The following HIBCH variants were observed in gnomAD, a reference collection of about 807,000 sequenced individuals.
HIBCH encodes the protein 3-hydroxyisobutyryl-CoA hydrolase.
HIBCH carries 50 observed loss-of-function variants against 58.2 expected under a neutral mutation model. The ratio of observed to expected loss-of-function variants is 0.86; its 90% CI spans 0.68 to 1.09. The LOEUF (loss-of-function observed/expected upper bound fraction) is 1.09. Among genes scored for constraint, HIBCH ranks in the 50% least tolerant of loss-of-function variants. The probability of loss-of-function intolerance (pLI) is 0.00; values close to 1 mark genes in which losing one functional copy is unlikely to be tolerated. For synonymous variants in HIBCH, 151 were observed against 146.9 expected (o/e 1.03, Z -0.20); for missense variants, 450 against 449.7 (o/e 1.00, Z -0.01).
intron 1 of HIBCH, among the ~76,000 whole-genome samples, chr2:190,194,477 TAC>T (rs3083429): frequency 0.19 from 27,311 of 141,006 alleles, 2,444 homozygotes; most frequent in East Asian, 0.24. Context: ...ATCCTGTGTA[TAC>T]ACACACACAC....
At chr2:190,200,098 A>G (rs1383374911), downstream of HIBCH, 9 of 1,614,088 alleles carry the variant, frequency 5.6e-6, no homozygotes, top group East Asian at 2.0e-4. Flanking sequence ...ATGGGCATGC[A>G]ATAACATCAA....
chr2:190,258,435 T>C (rs966253915), intron 7 of HIBCH, among the ~76,000 whole-genome samples: 1 of 152,136 alleles, frequency 6.6e-6, no homozygotes. Context: ...AATGTAGAAG[T>C]GACTTGGGAA....
At chr2:190,270,140 C>T (rs892775343) in intron 6 of HIBCH, among the ~76,000 whole-genome samples, 5 of 151,964 alleles carry the variant, frequency 3.3e-5, no homozygotes, top group Non-Finnish European at 5.9e-5. Flanking sequence ...ACCTAGATGA[C>T]GGGTTGACAG....
intron 11 of HIBCH, among the ~76,000 whole-genome samples, chr2:190,226,701 C>T (rs910231841): frequency 4.6e-5 from 7 of 151,938 alleles, no homozygotes; most frequent in African/African-American, 1.7e-4. Context: ...CCCCAAATCT[C>T]CTTAAGCTGA....
In HIBCH at chr2:190,294,562, G is replaced by C. The variant is rs763337974; in HGVS notation, c.288C>G (p.Ala96=). 2 of 1,611,784 alleles carry C rather than the reference G, an allele frequency of 1.2e-6. No individual in the cohort carries two copies. Among genetic ancestry groups the C allele is most frequent in the Non-Finnish European group, 1.7e-6 (2 of 1,178,982 alleles). The change falls in exon 4 of 14, where the codon GCC becomes GCG. Residue 96 remains alanine (A), a synonymous_variant. Transcript: ENST00000359678. ...IKGAGGKAFC[A]GGDIRVISEA... is the part of the protein sequence containing the mutation. ...AGTCTTTACCTCTGATATCACCCCCGGCACAGAAAGCCTTTCCTCCTGCTC... is the reference window on the plus strand; with the variant it reads ...AGTCTTTACCTCTGATATCACCCCCCGCACAGAAAGCCTTTCCTCCTGCTC...
At position 190,281,915 on chromosome 2, in the gene HIBCH, C is replaced by A. The variant is rs564240003; in HGVS notation, c.438+5671G>T. Among the ~76,000 whole-genome samples, 9 of 152,318 alleles carry A rather than the reference C, an allele frequency of 5.9e-5. No homozygotes were observed. In the South Asian group the frequency reaches 1.7e-3, roughly 28 times the overall value. On this transcript the variant is annotated intron_variant, in intron 6 of 13. Transcript: ENST00000359678. The surrounding 1 kb of genome is among the most constrained non-coding windows in gnomAD (Gnocchi z 5.4). The stretch of plus-strand genomic sequence containing the variant: ...TTTGTCACTTTATTACAAGGATGCT[C>A]TTTACTCCAATATCTTGTTCCTCAT...
At chr2:190,282,990 C>T (rs901099869) in intron 6 of HIBCH, among the ~76,000 whole-genome samples, 3 of 152,038 alleles carry the variant, frequency 2.0e-5, no homozygotes, top group Non-Finnish European at 4.4e-5. Flanking sequence ...AAGAAGAAAT[C>T]ACATCTAATT....
At chr2:190,194,513 CACACACGCA>C (rs1178279850) in intron 1 of HIBCH, among the ~76,000 whole-genome samples, 4 of 150,766 alleles carry the variant, frequency 2.7e-5, no homozygotes, top group African/African-American at 9.8e-5. Context: ...CACACACACA[CACACACGCA>C]GCATCTCCCA....
rs1007203949 is a variant in HIBCH at position 190,236,099 on chromosome 2, T to A, written c.891+8788A>T. Among the ~76,000 whole-genome samples, 4 of 152,106 alleles carry A rather than the reference T, an allele frequency of 2.6e-5. No homozygotes were observed. The highest frequency in any genetic ancestry group is 9.7e-5 in the African/African-American group (4 of 41,428). ...GGTAAGAGGTTGAGAGAAAAAGACG[T>A]AACAGAATGGAGACAAGCAGACAGA... On this transcript the variant is annotated intron_variant, in intron 11 of 13. Transcript: ENST00000359678. This position sits in a 1 kb window ranked among gnomAD's most constrained non-coding sequence, Gnocchi z 4.1.
chr2:190,212,973 G>C lies in HIBCH; in HGVS notation c.994C>G (p.Leu332Val). 1 of 1,611,230 alleles carries C rather than the reference G, an allele frequency of 6.2e-7. No homozygotes were observed. Among genetic ancestry groups the C allele is most frequent in the Non-Finnish European group, 8.5e-7 (1 of 1,178,568 alleles). ...LQEVLTMEYR[L>V]SQACMRGHDF... ...ATTCTTACCATACAAGCTTGACTTA[G>C]CCGATACTCCATAGTTAGTACTTCT... The change falls in exon 12 of 14, where the codon CTA (leucine) becomes GTA (valine). Residue 332 changes from leucine (L) to valine (V), a missense_variant. Transcript: ENST00000359678.
At chr2:190,299,625 T>C (rs750337487) in intron 2 of HIBCH, among the ~76,000 whole-genome samples, 5 of 152,156 alleles carry the variant, frequency 3.3e-5, no homozygotes, top group Non-Finnish European at 7.4e-5. Flanking sequence ...TAGATACACA[T>C]GGCTTTTATT....
At chr2:190,269,531 T>G (rs906718998) in intron 6 of HIBCH, among the ~76,000 whole-genome samples, 1 of 152,188 alleles carries the variant, frequency 6.6e-6, no homozygotes, top group Non-Finnish European at 1.5e-5. Context: ...AGATACCATC[T>G]CACACCAGTT....
At position 190,193,470 on chromosome 2, in the gene HIBCH, A is replaced by G. The variant is rs191684546; in HGVS notation, c.*18-3473T>C. On this transcript the variant is annotated intron_variant, in intron 1 of 1. Coordinates refer to the HIBCH transcript ENST00000399855. Reference sequence around the variant, plus strand: ...TTTCTCTCTTTTCTGAAGAGTTTAGATAAGACTGGTATTACTTCCTCGTAA... The same window carrying G: ...TTTCTCTCTTTTCTGAAGAGTTTAGGTAAGACTGGTATTACTTCCTCGTAA... 3.4e-3 allele frequency among the ~76,000 whole-genome samples: 525 copies of G among 152,182 alleles called. 1 individual carries two copies. The highest frequency in any genetic ancestry group is 0.012 in the African/African-American group (496 of 41,524).
intron 11 of HIBCH, among the ~76,000 whole-genome samples, chr2:190,231,064 C>T (rs1686081104): frequency 6.6e-6 from 1 of 152,150 alleles, no homozygotes; most frequent in African/African-American, 2.4e-5. Context: ...CATCTATCTA[C>T]AATGTCATTT....
intron 9 of HIBCH, among the ~76,000 whole-genome samples, chr2:190,247,262 T>G (rs969706902): frequency 1.3e-5 from 2 of 152,164 alleles, no homozygotes; most frequent in African/African-American, 2.4e-5. Context: ...TTGAGAAAAA[T>G]GCTGAATAAG....
rs1487528989 is a variant in HIBCH, at chr2:190,217,123, C to T, written c.892-4048G>A. Reference sequence around the variant, plus strand: ...GCCCAGTGCCAGACCCAGCAGGGCCCGACCAAAGGCACCCTGGGAAGCCAG... The same window carrying T: ...GCCCAGTGCCAGACCCAGCAGGGCCTGACCAAAGGCACCCTGGGAAGCCAG... On this transcript the variant is annotated intron_variant, in intron 11 of 13. Coordinates refer to ENST00000359678, the MANE Select transcript of HIBCH (RefSeq NM_014362.4). This position sits in a 1 kb window ranked among gnomAD's most constrained non-coding sequence, Gnocchi z 4.6. Among the ~76,000 whole-genome samples, 2 of 152,190 alleles carry T rather than the reference C, an allele frequency of 1.3e-5. No individual in the cohort carries two copies. The highest frequency in any genetic ancestry group is 1.9e-4 in the East Asian group (1 of 5,194).
chr2:190,219,401 G>C (rs1487160847), intron 11 of HIBCH, among the ~76,000 whole-genome samples: 1 of 152,162 alleles, frequency 6.6e-6, no homozygotes, highest in East Asian at 1.9e-4. Context: ...GGATATACTA[G>C]GCCCCTGTTT....
intron 6 of HIBCH, among the ~76,000 whole-genome samples, chr2:190,282,725 T>G (rs1687734456): frequency 6.6e-6 from 1 of 152,024 alleles, no homozygotes; most frequent in African/African-American, 2.4e-5. Flanking sequence ...AAAAAGAGAC[T>G]GTTCACTTCC....
At chr2:190,295,259 GT>G (rs1688073520) in intron 3 of HIBCH, among the ~76,000 whole-genome samples, 1 of 152,156 alleles carries the variant, frequency 6.6e-6, no homozygotes, top group Non-Finnish European at 1.5e-5. Context: ...ATCTATACAG[GT>G]TGAGTATCCC....
Sources: gnomAD v4.1 joint callset for allele counts (sites outside exome capture counted in the v4.1 genomes callset) on GRCh38, gnomAD v4.1.1 for gene constraint, Gnocchi (gnomAD v3.1) non-coding constraint, MANE v1.5 for transcripts, NCBI Gene and HGNC (gene_info 2026-07-23, HGNC 2026-07-21) for gene names.